The following ZNF875 variants were observed in gnomAD, a reference collection of about 807,000 sequenced individuals.
ZNF875 encodes HKR1, GLI-Kruppel zinc finger family member.
ZNF875 carries 14 observed loss-of-function variants against 11.2 expected under a neutral mutation model. That is an observed-to-expected ratio of 1.26 (90% CI 0.83 to 1.96). The LOEUF is 1.96. ZNF875 is among the 30% of genes most tolerant of loss of function. The pLI, the probability that ZNF875 is intolerant of heterozygous loss-of-function variation, is 0.00. For missense variants in ZNF875, 752 were observed against 760.4 expected (o/e 0.99, Z 0.13); for synonymous variants, 301 against 281.1 (o/e 1.07, Z -0.71).
intron 1 of ZNF875, among the ~76,000 whole-genome samples, chr19:37,321,002 C>A (rs1222317052): frequency 6.6e-6 from 1 of 152,200 alleles, no homozygotes; most frequent in Non-Finnish European, 1.5e-5. Flanking sequence ...CTTTGTTAAA[C>A]AAATGCTTGA....
chr19:37,337,994 C>G (rs1340268387), intron 2 of ZNF875, among the ~76,000 whole-genome samples: 2 of 152,138 alleles, frequency 1.3e-5, no homozygotes, highest in Non-Finnish European at 2.9e-5. Flanking sequence ...TGGATGTTAT[C>G]AGAGCAACAC....
chr19:37,330,380 G>C (rs576631332), upstream of ZNF875, among the ~76,000 whole-genome samples: 17 of 152,266 alleles, frequency 1.1e-4, no homozygotes, highest in South Asian at 3.5e-3. Flanking sequence ...GTCAACCCTT[G>C]AATGTACCCT....
chr19:37,319,068 C>T (rs1217320510), intron 1 of ZNF875, among the ~76,000 whole-genome samples: 1 of 145,420 alleles, frequency 6.9e-6, no homozygotes, highest in Non-Finnish European at 1.5e-5. Context: ...TTTTTTGAGA[C>T]GGAGTTTCGC....
chr19:37,350,250 T>G (rs2146347532), intron 4 of ZNF875, among the ~76,000 whole-genome samples: 1 of 147,072 alleles, frequency 6.8e-6, no homozygotes, highest in Non-Finnish European at 1.5e-5. Context: ...TAGCTGGGAC[T>G]ACATGCATGC....
intron 2 of ZNF875, among the ~76,000 whole-genome samples, chr19:37,340,274 G>A (rs374269299): frequency 1.2e-4 from 18 of 152,206 alleles, no homozygotes; most frequent in African/African-American, 4.3e-4. Context: ...GAGCCACCAC[G>A]CCCAGCCCTA....
At chr19:37,351,305 A>T (rs1449148532) in intron 4 of ZNF875, among the ~76,000 whole-genome samples, 2 of 152,084 alleles carry the variant, frequency 1.3e-5, no homozygotes, top group Non-Finnish European at 2.9e-5. Context: ...TTCATTCCCC[A>T]TATTGTGATT....
At chr19:37,332,374 G>A (rs914916571), upstream of ZNF875, among the ~76,000 whole-genome samples, 3 of 151,966 alleles carry the variant, frequency 2.0e-5, no homozygotes, top group Admixed American at 6.6e-5. Flanking sequence ...ACCCCTACAC[G>A]CCCAGCTAAT....
intron 4 of ZNF875, among the ~76,000 whole-genome samples, chr19:37,348,405 A>G (rs1308917853): frequency 1.3e-5 from 2 of 152,148 alleles, no homozygotes; most frequent in South Asian, 2.1e-4. Flanking sequence ...CATCCCTCCA[A>G]TGGAATTGTT....
intron 2 of ZNF875, chr19:37,346,976 C>T: frequency 2.0e-6 from 1 of 500,526 alleles, no homozygotes; most frequent in Non-Finnish European, 3.7e-6. Context: ...CGCCACCACA[C>T]CTGACTAATT....
intron 1 of ZNF875, among the ~76,000 whole-genome samples, chr19:37,319,750 G>C (rs1195384422): frequency 6.6e-6 from 1 of 152,040 alleles, no homozygotes; most frequent in Non-Finnish European, 1.5e-5. Flanking sequence ...ACTAAGACCG[G>C]CTATCCCTCT....
chr19:37,362,714 G>A lies in ZNF875; in HGVS notation c.862G>A (p.Gly288Arg). Residue 288 changes from glycine to arginine, a missense_variant, in exon 5 of 5, where the codon GGG becomes AGG. Physicochemically the swap from Gly to Arg is moderately radical, Grantham distance 125. Transcript: ENST00000392153. The stretch of plus-strand genomic sequence containing the variant: ...AAAGCCTTATGTGTGCAGGGAATGT[G>A]GGCGAGGCTTTACGTGGAAGTCAAA... ...GGKPYVCREC[G>R]RGFTWKSNLI... 6.2e-7 allele frequency: 1 copy of A among 1,613,488 alleles called. No homozygotes were observed. Among genetic ancestry groups the A allele is most frequent in the Non-Finnish European group, 8.5e-7 (1 of 1,179,662 alleles).
chr19:37,347,927 G>A (rs1404157407), intron 4 of ZNF875, 55 bp downstream of exon 4: 7 of 1,032,968 alleles, frequency 6.8e-6, no homozygotes, highest in Middle Eastern at 4.2e-4. Flanking sequence ...AGATAGGAAG[G>A]AGGAGGCATC....
chr19:37,336,949 ACTAT>A (rs1415749593), intron 2 of ZNF875, among the ~76,000 whole-genome samples: 1 of 152,124 alleles, frequency 6.6e-6, no homozygotes, highest in African/African-American at 2.4e-5. Context: ...TAAGATACAG[ACTAT>A]CTATTCACAC....
Position 37,334,762 on chromosome 19 carries a change from C to T in ZNF875, c.-77C>T, listed in dbSNP as rs754922136. ...TTACCTGACTTTCGGCTTCAGGATCCGCAGCGTGCACCCGCGTTCCGTGAG... is the reference window on the plus strand; with the variant it reads ...TTACCTGACTTTCGGCTTCAGGATCTGCAGCGTGCACCCGCGTTCCGTGAG... On this transcript the variant is annotated 5_prime_UTR_variant, in exon 1 of 5. Coordinates refer to ENST00000392153, the MANE Select transcript of ZNF875 (RefSeq NM_001353803.2). The T allele has an allele frequency of 1.5e-5, 7 of 456,368 alleles. No homozygotes were observed. Among genetic ancestry groups the T allele is most frequent in the South Asian group, 4.6e-5 (3 of 64,562 alleles). 28.3% of individuals were successfully genotyped at this position (456,368 alleles called of 1,614,324 possible).
chr19:37,313,084 C>T (rs2030030944), upstream of ZNF875: 2 of 152,296 alleles, frequency 1.3e-5, no homozygotes, highest in African/African-American at 4.8e-5. Context: ...AGCTTCTCTC[C>T]CATTAGATGG....
intron 4 of ZNF875, chr19:37,361,899 A>G (rs2039983349): frequency 1.9e-6 from 1 of 531,262 alleles, no homozygotes. Context: ...CTTGGGTGAA[A>G]GAAAGACTCC....
chr19:37,313,890 G>A (rs1475189415), upstream of ZNF875, among the ~76,000 whole-genome samples: 1 of 151,966 alleles, frequency 6.6e-6, no homozygotes, highest in African/African-American at 2.4e-5. Flanking sequence ...AGTGTGAATT[G>A]CAATTTATTA....
At chr19:37,319,129 C>T (rs2030748616) in intron 1 of ZNF875, among the ~76,000 whole-genome samples, 1 of 151,088 alleles carries the variant, frequency 6.6e-6, no homozygotes, top group South Asian at 2.1e-4. Flanking sequence ...TCACTGCAAC[C>T]TCCGCCTCAC....
intron 4 of ZNF875, chr19:37,357,932 C>T (rs763781598): frequency 2.5e-5 from 10 of 398,172 alleles, no homozygotes; most frequent in African/African-American, 2.1e-4. Context: ...GTGGTGAGAG[C>T]AGACATCCTT....
Sources: gnomAD v4.1 joint callset for allele counts (sites outside exome capture counted in the v4.1 genomes callset) on GRCh38, gnomAD v4.1.1 for gene constraint, MANE v1.5 for transcripts, NCBI Gene and HGNC (gene_info 2026-07-23, HGNC 2026-07-21) for gene names.